SRPX: variants seen among roughly 807,000 people sequenced by gnomAD.
SRPX encodes sushi repeat containing protein X-linked, also known as sushi repeat-containing protein SRPX.
A neutral mutation model predicts 38.1 loss-of-function variants in SRPX; 24 were observed. The ratio of observed to expected loss-of-function variants is 0.63; its 90% confidence interval spans 0.46 to 0.89. The LOEUF is 0.89. SRPX is among the 40% of genes least tolerant of loss of function. The pLI, the probability that SRPX is intolerant of heterozygous loss-of-function variation, is 0.00. For missense variants in SRPX, 416 were observed against 377.8 expected (o/e 1.10, Z -0.84); for synonymous variants, 184 against 153.8 (o/e 1.20, Z -1.45).
At chrX:38,209,976 A>G (rs749887943) in intron 1 of SRPX, among the ~76,000 whole-genome samples, 1 of 112,091 alleles carries the variant, frequency 8.9e-6, no homozygotes, top group Non-Finnish European at 1.9e-5. Context: ...GAAAAATTCA[A>G]TGTCATGTTC....
rs1938530836 is a variant in SRPX, at chrX:38,174,254, G to A, written c.255C>T (p.Cys85=). 10 of 1,164,613 alleles carry A rather than the reference G, an allele frequency of 8.6e-6. No homozygotes were observed. Among genetic ancestry groups the A allele is most frequent in the African/African-American group, 3.6e-5 (2 of 55,256 alleles). Residue 85 remains cysteine (C), a synonymous_variant, in exon 3 of 10, where the codon TGC becomes TGT. Coordinates refer to ENST00000378533, the MANE Select transcript of SRPX (RefSeq NM_006307.5). The part of the protein sequence containing the change: ...GYYKTALGTR[C]DIRCQKGYEL... ...CGTAGCCCTTCTGGCAGCGAATGTC[G>A]CACCTGGTTCCCAGGGCTGTTTTGT...
chrX:38,196,757 G>A (rs966545110), intron 1 of SRPX, among the ~76,000 whole-genome samples: 2 of 112,313 alleles, frequency 1.8e-5, no homozygotes, highest in African/African-American at 6.5e-5. Flanking sequence ...ATAAAGATAT[G>A]CTAATGAGCA....
intron 1 of SRPX, among the ~76,000 whole-genome samples, chrX:38,209,769 A>G (rs1393385237): frequency 8.9e-6 from 1 of 112,586 alleles, no homozygotes; most frequent in Non-Finnish European, 1.9e-5. Context: ...ACACAAAAAC[A>G]CATTTTAAAG....
chrX:38,150,186 C>T (rs890647768), intron 9 of SRPX, among the ~76,000 whole-genome samples: 8 of 112,357 alleles, frequency 7.1e-5, no homozygotes, highest in Non-Finnish European at 1.5e-4. Flanking sequence ...GGTTGAAAAG[C>T]ACTGCTTTGG....
intron 5 of SRPX, among the ~76,000 whole-genome samples, chrX:38,162,784 A>G (rs2147770385): frequency 8.9e-6 from 1 of 112,975 alleles, no homozygotes; most frequent in African/African-American, 3.2e-5. Flanking sequence ...ACTGCACTCC[A>G]GCCTGGGCAA....
Position 38,164,899 on chromosome X carries a change from A to G in SRPX, c.527-4T>C, listed in dbSNP as rs747743175. On this transcript the variant is annotated splice_region_variant and splice_polypyrimidine_tract_variant and intron_variant, in intron 4 of 9. Coordinates refer to ENST00000378533, the MANE Select transcript of SRPX (RefSeq NM_006307.5). ...TTGATTCTAGGAGGTTCCATATCTG[A>G]AAATATAACCAAAACATTCTCATCA... 3 of 1,207,547 alleles carry G rather than the reference A, an allele frequency of 2.5e-6. No individual in the cohort carries two copies. Among genetic ancestry groups the G allele is most frequent in the Non-Finnish European group, 3.4e-6 (3 of 893,645 alleles).
chrX:38,178,410 C>G lies in SRPX; in HGVS notation c.98-66G>C, dbSNP rs766845482. ...CATAGTATGGACGCATATTTCAAAG[C>G]ATTCCTTTGCCACAGACCATGCAGG... On this transcript the variant is annotated intron_variant, in intron 1 of 9. Transcript: ENST00000378533. 1.8e-5 allele frequency: 18 copies of G among 975,117 alleles called. No individual in the cohort carries two copies. In the South Asian group the frequency reaches 3.7e-4, roughly 20 times the overall value. 80.4% of individuals were successfully genotyped at this position (975,117 alleles called of 1,213,427 possible).
In SRPX at chrX:38,163,772, G is replaced by C. The variant is rs1272324604; in HGVS notation, c.653+997C>G. Among the ~76,000 whole-genome samples the C allele has an allele frequency of 5.3e-5, 6 of 112,543 alleles. No individual in the cohort carries two copies. In the East Asian group the frequency reaches 8.4e-4, roughly 16 times the overall value. On this transcript the variant is annotated intron_variant, in intron 5 of 9. Coordinates refer to ENST00000378533, the MANE Select transcript of SRPX (RefSeq NM_006307.5). ...CTTCTCTTTTTTTAAATAAGCATCT[G>C]TAAGTGTTTGATATGATCGGGAGTT...
intron 1 of SRPX, among the ~76,000 whole-genome samples, chrX:38,192,135 G>GTT (rs1211931946): frequency 2.2e-4 from 25 of 112,025 alleles, no homozygotes; most frequent in African/African-American, 7.8e-4. Context: ...GAGGCACAGC[G>GTT]TGGCTTGTAA....
At position 38,155,819 on chromosome X, in the gene SRPX, GC is replaced by G. The variant is rs761706609; in HGVS notation, c.1089+1076del. Among the ~76,000 whole-genome samples the G allele has an allele frequency of 3.6e-5, 4 of 111,798 alleles. No individual in the cohort carries two copies. The South Asian group carries it at 1.1e-3, about 32-fold the overall frequency. On this transcript the variant is annotated intron_variant, in intron 8 of 9. Transcript: ENST00000378533. ...TAAGCTTGTGTTTTCTGAAGAGCAA[GC>G]CCCTGGCTTGGACAAGGAGATACAA...
chrX:38,159,153 T>C (rs765616257), intron 7 of SRPX, among the ~76,000 whole-genome samples: 12 of 112,321 alleles, frequency 1.1e-4, no homozygotes, highest in Middle Eastern at 9.2e-3. Flanking sequence ...GTATATATTT[T>C]ACACTTATAG....
intron 1 of SRPX, among the ~76,000 whole-genome samples, chrX:38,205,457 G>A (rs748131641): frequency 9.0e-6 from 1 of 111,011 alleles, no homozygotes; most frequent in African/African-American, 3.3e-5. Context: ...CTCTTAGTGG[G>A]GTCTTTGGAA....
At chrX:38,157,522 C>G (rs1938155960) in intron 7 of SRPX, among the ~76,000 whole-genome samples, 1 of 111,907 alleles carries the variant, frequency 8.9e-6, no homozygotes, top group Admixed American at 9.5e-5. Flanking sequence ...TTCTATGACT[C>G]TGACATCAGT....
chrX:38,201,889 A>ATTT (rs1939120207), intron 1 of SRPX, among the ~76,000 whole-genome samples: 1 of 111,865 alleles, frequency 8.9e-6, no homozygotes, highest in Non-Finnish European at 1.9e-5. Context: ...GGACTAGACT[A>ATTT]AAATCAGCCC....
At position 38,149,888 on chromosome X, in the gene SRPX, C is replaced by G; in HGVS notation, c.1218G>C (p.Leu406Phe). The G allele has an allele frequency of 8.3e-7, 1 of 1,203,023 alleles. No individual in the cohort carries two copies. Among genetic ancestry groups the G allele is most frequent in the African/African-American group, 1.7e-5 (1 of 57,575 alleles). ...TGAAGGAGTAGAGTGGGATTCGCAG[C>G]AACAGCCTGTGGCAGACAAAGAAAA... ...PPALALQLRL[L>F]LRIPLYSFSM... The change falls in exon 10 of 10, where the codon TTG (leucine) becomes TTC (phenylalanine). Residue 406 changes from leucine (L) to phenylalanine (F), a missense_variant. Transcript: ENST00000378533.
intron 2 of SRPX, among the ~76,000 whole-genome samples, chrX:38,177,230 G>C (rs1938581955): frequency 9.0e-6 from 1 of 111,681 alleles, no homozygotes; most frequent in African/African-American, 3.3e-5. Flanking sequence ...TTTGTGCTTT[G>C]CTTGATTGGT....
At chrX:38,185,902 G>C (rs757948478) in intron 1 of SRPX, among the ~76,000 whole-genome samples, 112 of 105,084 alleles carry the variant, frequency 1.1e-3, no homozygotes, top group Non-Finnish European at 2.0e-3. Flanking sequence ...AAAAAAAGGG[G>C]GGGGGGAGTG....
At chrX:38,185,925 ATGTTG>A (rs1938772961) in intron 1 of SRPX, among the ~76,000 whole-genome samples, 1 of 105,120 alleles carries the variant, frequency 9.5e-6, no homozygotes, top group African/African-American at 3.5e-5. Context: ...TATATTTTGC[ATGTTG>A]GTGGGAAATA....
chrX:38,193,282 C>T (rs1274495405), intron 1 of SRPX, among the ~76,000 whole-genome samples: 1 of 111,780 alleles, frequency 8.9e-6, no homozygotes, highest in African/African-American at 3.3e-5. Context: ...TTTTGCAGCC[C>T]TAACAAAACC....
Sources: gnomAD v4.1 joint callset for allele counts (sites outside exome capture counted in the v4.1 genomes callset) on GRCh38, gnomAD v4.1.1 for gene constraint, MANE v1.5 for transcripts, NCBI Gene and HGNC (gene_info 2026-07-23, HGNC 2026-07-21) for gene names.